GSG1L: variants seen among roughly 807,000 people sequenced by gnomAD.
GSG1L encodes germ cell-specific gene 1-like protein.
A neutral mutation model predicts 42.1 loss-of-function variants in GSG1L; 24 were observed. The observed-to-expected ratio is 0.57, with a 90% confidence interval of 0.41 to 0.80. The LOEUF is 0.80. Among genes scored for constraint, GSG1L ranks in the 30% least tolerant of loss-of-function variants. GSG1L has a pLI of 0.00. For synonymous variants in GSG1L, 215 were observed against 203.5 expected (o/e 1.06, Z -0.48); for missense variants, 445 against 472.2 (o/e 0.94, Z 0.53).
At chr16:28,058,367 G>A (rs893789869) in intron 1 of GSG1L, among the ~76,000 whole-genome samples, 5 of 152,174 alleles carry the variant, frequency 3.3e-5, no homozygotes, top group Non-Finnish European at 4.4e-5. Context: ...AGTGGCTCAC[G>A]CCTGTAATCC....
At chr16:27,957,810 G>T (rs778903408) in intron 2 of GSG1L, among the ~76,000 whole-genome samples, 3 of 152,190 alleles carry the variant, frequency 2.0e-5, no homozygotes, top group Non-Finnish European at 4.4e-5. Context: ...GCCAGCATCT[G>T]CTTGGCTTCT....
intron 2 of GSG1L, among the ~76,000 whole-genome samples, chr16:27,908,450 T>A (rs2141049345): frequency 6.6e-6 from 1 of 152,352 alleles, no homozygotes; most frequent in Admixed American, 6.5e-5. Flanking sequence ...TGGCAAGTAC[T>A]CTTCCATCTG....
At chr16:27,928,421 G>A (rs976398059) in intron 2 of GSG1L, among the ~76,000 whole-genome samples, 3 of 152,176 alleles carry the variant, frequency 2.0e-5, no homozygotes, top group Non-Finnish European at 4.4e-5. Context: ...TCCTGTGTGG[G>A]TGACTTGGCC....
chr16:27,956,366 C>G lies in GSG1L; in HGVS notation c.397+6790G>C, dbSNP rs1269512539. Among the ~76,000 whole-genome samples the G allele has an allele frequency of 2.6e-5, 4 of 152,190 alleles. No individual in the cohort carries two copies. The East Asian group carries it at 7.7e-4, about 29-fold the overall frequency. ...AATGACCAGAGGAGACCTTGACAAG[C>G]AAATTAATGAGTCTCACACTCATGA... On this transcript the variant is annotated intron_variant, in intron 2 of 6. Transcript: ENST00000447459.
At chr16:27,925,100 G>A (rs1040385314) in intron 2 of GSG1L, among the ~76,000 whole-genome samples, 30 of 152,212 alleles carry the variant, frequency 2.0e-4, no homozygotes, top group African/African-American at 7.2e-4. Context: ...GGAGGAAGGA[G>A]AGTAGGGTGG....
chr16:28,048,645 C>T (rs1210542310), intron 1 of GSG1L, among the ~76,000 whole-genome samples: 2 of 152,118 alleles, frequency 1.3e-5, no homozygotes, highest in East Asian at 3.8e-4. Context: ...GTTTTAGAAA[C>T]AAAATTGTCA....
intron 2 of GSG1L, among the ~76,000 whole-genome samples, chr16:27,959,390 C>T (rs994934459): frequency 4.0e-5 from 6 of 151,272 alleles, no homozygotes; most frequent in Non-Finnish European, 7.4e-5. Context: ...ATCGCTTGAA[C>T]CTGGGAGGCA....
intron 6 of GSG1L, among the ~76,000 whole-genome samples, chr16:27,804,011 A>G (rs1229868225): frequency 6.9e-6 from 1 of 145,966 alleles, no homozygotes; most frequent in African/African-American, 2.5e-5. Context: ...TAATAGATGG[A>G]TGATGGATGA....
chr16:27,979,731 GAAA>G (rs745860945), intron 1 of GSG1L, among the ~76,000 whole-genome samples: 8 of 35,650 alleles, frequency 2.2e-4, no homozygotes, highest in African/African-American at 5.1e-4. Context: ...AGGAAGGAAA[GAAA>G]AAGAAAGAAA....
intron 2 of GSG1L, among the ~76,000 whole-genome samples, chr16:27,919,957 C>T (rs532304104): frequency 6.6e-6 from 1 of 152,312 alleles, no homozygotes; most frequent in South Asian, 2.1e-4. Flanking sequence ...CTATCCCATC[C>T]CATGCCAAAT....
chr16:27,904,217 A>C (rs578056997), intron 2 of GSG1L, among the ~76,000 whole-genome samples: 1 of 151,728 alleles, frequency 6.6e-6, no homozygotes, highest in East Asian at 1.9e-4. Flanking sequence ...CCACAGGCAC[A>C]TACCACCATG....
intron 4 of GSG1L, among the ~76,000 whole-genome samples, chr16:27,833,423 A>G (rs1356514138): frequency 1.3e-5 from 2 of 152,064 alleles, no homozygotes; most frequent in Non-Finnish European, 1.5e-5. Flanking sequence ...CAAATTGAGT[A>G]CTCTAATTCA....
At chr16:28,013,882 T>C (rs1287398941) in intron 1 of GSG1L, among the ~76,000 whole-genome samples, 1 of 152,192 alleles carries the variant, frequency 6.6e-6, no homozygotes, top group Non-Finnish European at 1.5e-5. Context: ...GGTGAAGACA[T>C]CAGGCATCTC....
At chr16:27,950,671 G>A (rs2084940621) in intron 2 of GSG1L, among the ~76,000 whole-genome samples, 1 of 152,112 alleles carries the variant, frequency 6.6e-6, no homozygotes, top group African/African-American at 2.4e-5. Flanking sequence ...TAAACCTGCT[G>A]TGTGACCTTG....
At chr16:28,035,569 C>T (rs1471613765) in intron 1 of GSG1L, among the ~76,000 whole-genome samples, 2 of 152,142 alleles carry the variant, frequency 1.3e-5, no homozygotes, top group Admixed American at 6.5e-5. Context: ...AATAAAATAT[C>T]GGGAAGCACT....
chr16:27,789,057 G>A lies in GSG1L; in HGVS notation c.*2313C>T, dbSNP rs1200119930. ...AGCTGGATGGTTGAGTAATGAGGAT[G>A]TGTGACACATGGAAGGAGGATGGAT... On this transcript the variant is annotated 3_prime_UTR_variant, in exon 7 of 7. Transcript: ENST00000447459. 1.3e-5 allele frequency: 2 copies of A among 152,292 alleles called. No homozygotes were observed. The highest frequency in any genetic ancestry group is 2.4e-5 in the African/African-American group (1 of 41,462). The allele number at this position is 152,292 out of a possible 1,614,324, so 9.4% of individuals were successfully genotyped here. A position where few individuals can be genotyped will look rare whatever the true frequency, so the allele number is the denominator to read the frequency against.
chr16:27,813,854 G>A (rs2083061623), intron 5 of GSG1L, among the ~76,000 whole-genome samples: 1 of 152,194 alleles, frequency 6.6e-6, no homozygotes, highest in African/African-American at 2.4e-5. Context: ...TCATGGTTGA[G>A]CTCAGCTCTG....
chr16:27,858,029 C>T (rs373410764), intron 3 of GSG1L, among the ~76,000 whole-genome samples: 75 of 152,334 alleles, frequency 4.9e-4, no homozygotes, highest in Middle Eastern at 6.8e-3. Context: ...AAGAACATTC[C>T]TCCCAGCACT....
chr16:27,799,486 A>G (rs1359704674), intron 6 of GSG1L, among the ~76,000 whole-genome samples: 1 of 152,242 alleles, frequency 6.6e-6, no homozygotes, highest in Non-Finnish European at 1.5e-5. Context: ...TCAAGGCTGC[A>G]GTGAACTATA....
Sources: allele counts gnomAD v4.1 joint callset (sites outside exome capture counted in the v4.1 genomes callset), GRCh38; gene constraint gnomAD v4.1.1; transcripts MANE v1.5; gene names NCBI Gene and HGNC (gene_info 2026-07-23, HGNC 2026-07-21).